LATS1: variants seen among roughly 807,000 people sequenced by gnomAD.
LATS1 encodes large tumor suppressor kinase 1, also known as serine/threonine-protein kinase LATS1.
Under a neutral mutation model 106.6 loss-of-function variants are expected in LATS1, and 25 were observed. That is an observed-to-expected ratio of 0.23 (90% CI 0.17 to 0.33). LATS1 has a LOEUF of 0.33. Among genes scored for constraint, LATS1 ranks in the 10% least tolerant of loss-of-function variants. The probability of loss-of-function intolerance (pLI) is 1.00; values close to 1 mark genes in which losing one functional copy is unlikely to be tolerated. For missense variants in LATS1, 1,040 were observed against 1,382.6 expected (o/e 0.75, Z 3.93); for synonymous variants, 465 against 455.6 (o/e 1.02, Z -0.26).
intron 5 of LATS1, among the ~76,000 whole-genome samples, chr6:149,677,549 A>G (rs554711740): frequency 2.6e-5 from 4 of 152,336 alleles, no homozygotes; most frequent in Admixed American, 6.5e-5. Flanking sequence ...GCTTAAAAAA[A>G]AAAGTTCTTT....
At chr6:149,707,292 G>C (rs1343205325) in intron 1 of LATS1, among the ~76,000 whole-genome samples, 1 of 152,058 alleles carries the variant, frequency 6.6e-6, no homozygotes, top group Non-Finnish European at 1.5e-5. Context: ...GGGATTACAG[G>C]TATGAGCCAC....
At chr6:149,710,955 G>GT (rs1784052466) in intron 1 of LATS1, among the ~76,000 whole-genome samples, 1 of 152,182 alleles carries the variant, frequency 6.6e-6, no homozygotes, top group South Asian at 2.1e-4. Context: ...AAAGCAGCTT[G>GT]TACCTAGACC....
intron 1 of LATS1, among the ~76,000 whole-genome samples, chr6:149,704,380 A>C (rs1057003714): frequency 5.3e-5 from 8 of 152,160 alleles, no homozygotes; most frequent in African/African-American, 1.9e-4. Flanking sequence ...CAAATTCACC[A>C]TACTGTATAC....
rs759090794 is a variant in LATS1, at chr6:149,680,467, T to TA, written c.2011-11dup. 1.9e-6 allele frequency: 3 copies of TA among 1,540,082 alleles called. No homozygotes were observed. Among genetic ancestry groups the TA allele is most frequent in the Non-Finnish European group, 1.8e-6 (2 of 1,133,184 alleles). ...CTTGAGATAATCCAACCTAGGCAAA[T>TA]AAACTAGATGTTAAATAAGAATTAT... On this transcript the variant is annotated splice_polypyrimidine_tract_variant and intron_variant, in intron 4 of 7. Coordinates refer to ENST00000543571, the MANE Select transcript of LATS1 (RefSeq NM_004690.4).
chr6:149,662,703 T>C (rs547593946), intron 7 of LATS1, among the ~76,000 whole-genome samples: 1 of 152,266 alleles, frequency 6.6e-6, no homozygotes, highest in African/African-American at 2.4e-5. Flanking sequence ...GGCTTTTGCC[T>C]GTAATCCCAG....
At chr6:149,705,344 T>C (rs761435918) in intron 1 of LATS1, among the ~76,000 whole-genome samples, 3 of 152,200 alleles carry the variant, frequency 2.0e-5, no homozygotes, top group Non-Finnish European at 2.9e-5. Context: ...AATTCACCTC[T>C]GGCCCTTTCT....
Position 149,683,422 on chromosome 6 carries a change from G to A in LATS1, c.1667C>T (p.Pro556Leu). The A allele has an allele frequency of 6.2e-7, 1 of 1,614,192 alleles. No homozygotes were observed. Among genetic ancestry groups the A allele is most frequent in the Non-Finnish European group, 8.5e-7 (1 of 1,180,032 alleles). Residue 556 changes from proline (P) to leucine (L), a missense_variant, in exon 4 of 8, where the codon CCA (proline) becomes CTA (leucine). Around this residue, in one of 7 missense-constraint regions of LATS1, gnomAD observed 624 missense variants for 714.8 expected, o/e 0.87. Transcript: ENST00000543571. Reference protein sequence around the residue: ...VAEAPNYQGPPPPYPKHLLHQ... With the variant: ...VAEAPNYQGPLPPYPKHLLHQ... Reference sequence around the variant, plus strand: ...CAGCAGATGTTTTGGGTAGGGTGGTGGTGGTCCTTGATAGTTTGGAGCTTC... The same window carrying A: ...CAGCAGATGTTTTGGGTAGGGTGGTAGTGGTCCTTGATAGTTTGGAGCTTC...
chr6:149,695,811 AT>A (rs1475518162), intron 2 of LATS1, among the ~76,000 whole-genome samples: 1 of 150,980 alleles, frequency 6.6e-6, no homozygotes, highest in East Asian at 1.9e-4. Context: ...TTAAATTTTT[AT>A]TTTTTTCAAC....
At chr6:149,698,290 C>G (rs1275474358) in intron 2 of LATS1, among the ~76,000 whole-genome samples, 1 of 149,640 alleles carries the variant, frequency 6.7e-6, no homozygotes, top group Non-Finnish European at 1.5e-5. Flanking sequence ...GTTGCCCAGG[C>G]TGGAGTGCAG....
chr6:149,710,634 G>C (rs902495473), intron 1 of LATS1, among the ~76,000 whole-genome samples: 1 of 152,190 alleles, frequency 6.6e-6, no homozygotes, highest in African/African-American at 2.4e-5. Context: ...ATTAAGGGCT[G>C]AGAGGAAACA....
chr6:149,713,269 A>C (rs768039143), intron 1 of LATS1, among the ~76,000 whole-genome samples: 3 of 152,104 alleles, frequency 2.0e-5, no homozygotes, highest in Admixed American at 6.6e-5. Context: ...ATAAAAGTCG[A>C]AATCTCTGTT....
Position 149,676,550 on chromosome 6 carries a change from T to G in LATS1, c.2776+5A>C. 1.2e-6 allele frequency: 2 copies of G among 1,612,970 alleles called. No homozygotes were observed. Among genetic ancestry groups the G allele is most frequent in the Non-Finnish European group, 1.7e-6 (2 of 1,179,294 alleles). ...CTGAGAATATATATGAAAGAAGTGCTTTACCTGTTCGTAGCAACACTTCAG... is the reference window on the plus strand; with the variant it reads ...CTGAGAATATATATGAAAGAAGTGCGTTACCTGTTCGTAGCAACACTTCAG... On this transcript the variant is annotated splice_donor_5th_base_variant and intron_variant, in intron 6 of 7. Transcript: ENST00000543571.
At chr6:149,691,267 AG>A (rs1272626600) in intron 3 of LATS1, among the ~76,000 whole-genome samples, 8 of 152,218 alleles carry the variant, frequency 5.3e-5, no homozygotes, top group Non-Finnish European at 8.8e-5. Flanking sequence ...GCACATGCAG[AG>A]GGACAAACAT....
intron 7 of LATS1, among the ~76,000 whole-genome samples, chr6:149,668,428 A>G (rs1781273897): frequency 1.4e-5 from 2 of 145,878 alleles, no homozygotes; most frequent in South Asian, 4.3e-4. Context: ...ATAAATGACT[A>G]TTCTTCTCAT....
At chr6:149,702,637 T>C (rs997307046) in intron 1 of LATS1, among the ~76,000 whole-genome samples, 44 of 152,236 alleles carry the variant, frequency 2.9e-4, no homozygotes, top group African/African-American at 1.0e-3. Flanking sequence ...AAGATTTCTT[T>C]AGAAGGGTAT....
intron 7 of LATS1, among the ~76,000 whole-genome samples, chr6:149,667,748 A>G (rs1200314191): frequency 2.0e-5 from 3 of 152,178 alleles, no homozygotes; most frequent in Non-Finnish European, 4.4e-5. Flanking sequence ...CCATGCCCAG[A>G]CCTATCATAA....
intron 3 of LATS1, among the ~76,000 whole-genome samples, chr6:149,694,439 T>C (rs960730694): frequency 4.6e-5 from 7 of 152,196 alleles, no homozygotes; most frequent in African/African-American, 1.7e-4. Flanking sequence ...TCTCCCATAG[T>C]ATTGAGCTTA....
At position 149,717,864 on chromosome 6, in the gene LATS1, G is replaced by A. The variant is rs1212710529; in HGVS notation, c.-156C>T. The A allele has an allele frequency of 1.1e-5, 4 of 354,586 alleles. No homozygotes were observed. The highest frequency in any genetic ancestry group is 5.9e-5 in the South Asian group (3 of 51,280). The allele number at this position is 354,586 out of a possible 1,614,324, so 22.0% of individuals were successfully genotyped here. The stretch of plus-strand genomic sequence containing the variant: ...CCGGACCTACCTGGAGGGGAGAGCA[G>A]AGCTCCTGGACAGCGGCCACGGGCC... On this transcript the variant is annotated 5_prime_UTR_variant, in exon 1 of 8. Coordinates refer to ENST00000543571, the MANE Select transcript of LATS1 (RefSeq NM_004690.4).
intron 7 of LATS1, among the ~76,000 whole-genome samples, chr6:149,669,001 T>C (rs1420012305): frequency 6.6e-6 from 1 of 151,856 alleles, no homozygotes; most frequent in Non-Finnish European, 1.5e-5. Context: ...AAAAAATTTT[T>C]TTGTAGAGAC....
Sources: allele counts gnomAD v4.1 joint callset (sites outside exome capture counted in the v4.1 genomes callset), GRCh38; gene constraint gnomAD v4.1.1; regional missense constraint gnomAD v4.1.1; transcripts MANE v1.5; gene names NCBI Gene and HGNC (gene_info 2026-07-23, HGNC 2026-07-21).